The following PYY variants were observed in gnomAD, a reference collection of about 807,000 sequenced individuals.
PYY encodes peptide tyrosine tyrosine.
In PYY, 12 loss-of-function variants were observed where a neutral mutation model predicts 10.3. The ratio of observed to expected loss-of-function variants is 1.17; its 90% CI spans 0.75 to 1.89. The LOEUF (loss-of-function observed/expected upper bound fraction) is 1.89, where lower values mean the gene tolerates loss of function less well. Ranked by LOEUF, PYY falls within the 40% of genes most tolerant of loss-of-function variation. The pLI, the probability that PYY is intolerant of heterozygous loss-of-function variation, is 0.00. For missense variants in PYY, 141 were observed against 134.0 expected (o/e 1.05, Z -0.26); for synonymous variants, 66 against 62.0 (o/e 1.06, Z -0.30).
chr17:43,985,944 T>G (rs547618639), intron 1 of PYY, among the ~76,000 whole-genome samples: 9 of 152,220 alleles, frequency 5.9e-5, no homozygotes, highest in Non-Finnish European at 1.3e-4. Flanking sequence ...GGAAGAAAAG[T>G]CTGTAGAGGT....
At chr17:43,998,295 C>T (rs555178381) in intron 1 of PYY, among the ~76,000 whole-genome samples, 2 of 151,276 alleles carry the variant, frequency 1.3e-5, no homozygotes, top group Admixed American at 6.6e-5. Flanking sequence ...CAGTGGCTCA[C>T]ACTTGTAATC....
At position 43,987,190 on chromosome 17, in the gene PYY, C is replaced by A. The variant is rs2048921412; in HGVS notation, c.-463+17201G>T. ...ATCATCAGACTGGGCAGAGCTCTCC[C>A]CTCCCTTGCCCTTATTAATTGCACC... On this transcript the variant is annotated intron_variant, in intron 1 of 6. Transcript: ENST00000360085. The surrounding 1 kb of genome is among the most constrained non-coding windows in gnomAD (Gnocchi z 4.0). Among the ~76,000 whole-genome samples the A allele has an allele frequency of 6.6e-6, 1 of 152,158 alleles. No homozygotes were observed. The highest frequency in any genetic ancestry group is 1.9e-4 in the East Asian group (1 of 5,190).
intron 1 of PYY, among the ~76,000 whole-genome samples, chr17:43,999,504 G>A (rs1049693823): frequency 6.6e-6 from 1 of 151,940 alleles, no homozygotes; most frequent in Non-Finnish European, 1.5e-5. Flanking sequence ...AGCACTTTGG[G>A]AGGCTGAGGA....
intron 1 of PYY, among the ~76,000 whole-genome samples, chr17:43,972,482 C>T (rs1333548761): frequency 2.0e-5 from 3 of 151,846 alleles, no homozygotes; most frequent in African/African-American, 7.3e-5. Context: ...TCCCAAAGCA[C>T]TGGGATTACA....
At chr17:43,957,152 C>T (rs1045234814), upstream of PYY, among the ~76,000 whole-genome samples, 2 of 146,272 alleles carry the variant, frequency 1.4e-5, no homozygotes, top group Non-Finnish European at 1.5e-5. Context: ...GAGCCAAGAT[C>T]GCGCCACTGT....
At chr17:43,964,128 C>T (rs1376665008) in intron 2 of PYY, among the ~76,000 whole-genome samples, 2 of 152,188 alleles carry the variant, frequency 1.3e-5, no homozygotes, top group African/African-American at 4.8e-5. Flanking sequence ...CAATCAGCCT[C>T]CTGAGCAGCT....
intron 1 of PYY, 90 bp from the exon 2 acceptor site, chr17:43,953,573 G>A (rs2048650855): frequency 8.0e-7 from 1 of 1,252,180 alleles, no homozygotes; most frequent in Non-Finnish European, 1.1e-6. Context: ...GCGCTCCGAC[G>A]CTCTCCCTGG....
intron 1 of PYY, among the ~76,000 whole-genome samples, chr17:43,979,164 C>A (rs549529158): frequency 6.6e-6 from 1 of 152,300 alleles, no homozygotes; most frequent in African/African-American, 2.4e-5. Flanking sequence ...AGGGTGATTT[C>A]CAGATTGGCA....
chr17:43,974,399 G>T (rs2193640), intron 1 of PYY, among the ~76,000 whole-genome samples: 43 of 151,702 alleles, frequency 2.8e-4, no homozygotes, highest in African/African-American at 9.9e-4. Context: ...TTGGAGGGAG[G>T]TGTCCCATGG....
At chr17:43,984,982 A>G (rs1408051565) in intron 1 of PYY, among the ~76,000 whole-genome samples, 1 of 152,248 alleles carries the variant, frequency 6.6e-6, no homozygotes, top group Admixed American at 6.5e-5. Context: ...AGGCTCTTCT[A>G]AATATACAAA....
At chr17:43,975,765 TATATACACAC>T (rs2048825813) in intron 1 of PYY, among the ~76,000 whole-genome samples, 2 of 145,526 alleles carry the variant, frequency 1.4e-5, no homozygotes, top group African/African-American at 2.5e-5. Flanking sequence ...CACACATATA[TATATACACAC>T]ATATATACAC....
intron 1 of PYY, among the ~76,000 whole-genome samples, chr17:44,003,985 C>G (rs2049051036): frequency 6.6e-6 from 1 of 151,904 alleles, no homozygotes; most frequent in Admixed American, 6.6e-5. Context: ...AGAGTGAGAC[C>G]CTATCTCAAA....
intron 1 of PYY, among the ~76,000 whole-genome samples, chr17:43,971,522 A>T (rs553588854): frequency 4.6e-5 from 7 of 151,086 alleles, no homozygotes; most frequent in African/African-American, 1.7e-4. Context: ...GTGAGCCAAG[A>T]TCATGCCACC....
chr17:43,955,232 A>G (rs372104444), upstream of PYY, among the ~76,000 whole-genome samples: 2 of 152,260 alleles, frequency 1.3e-5, no homozygotes, highest in East Asian at 1.9e-4. Flanking sequence ...GTCTCCCCAT[A>G]AAGCCCTTCC....
intron 1 of PYY, among the ~76,000 whole-genome samples, chr17:43,968,945 T>C (rs750010175): frequency 6.6e-6 from 1 of 151,294 alleles, no homozygotes; most frequent in Admixed American, 6.6e-5. Flanking sequence ...CTGTCTCTAC[T>C]AAAAATATAA....
intron 1 of PYY, among the ~76,000 whole-genome samples, chr17:43,998,862 G>A (rs2049007146): frequency 6.6e-6 from 1 of 152,194 alleles, no homozygotes; most frequent in South Asian, 2.1e-4. Context: ...CCTGGAATGT[G>A]AGATGCCTAC....
chr17:43,971,308 A>G (rs1053157688), intron 1 of PYY, among the ~76,000 whole-genome samples: 2 of 152,034 alleles, frequency 1.3e-5, no homozygotes, highest in Admixed American at 1.3e-4. Flanking sequence ...GGTGGCTCAC[A>G]CCTGTAATCC....
chr17:43,994,138 G>A (rs1243681218), intron 1 of PYY, among the ~76,000 whole-genome samples: 2 of 151,140 alleles, frequency 1.3e-5, no homozygotes, highest in African/African-American at 4.9e-5. Context: ...ACAGGCATGG[G>A]CCACTACACC....
At chr17:44,002,213 C>A (rs1053840229) in intron 1 of PYY, among the ~76,000 whole-genome samples, 3 of 152,204 alleles carry the variant, frequency 2.0e-5, no homozygotes, top group Admixed American at 6.5e-5. Flanking sequence ...ACAGTGTGTC[C>A]GAGGGGTGGG....
Sources: allele counts gnomAD v4.1 joint callset (sites outside exome capture counted in the v4.1 genomes callset), GRCh38; gene constraint gnomAD v4.1.1; non-coding constraint Gnocchi (gnomAD v3.1); transcripts MANE v1.5; gene names NCBI Gene and HGNC (gene_info 2026-07-23, HGNC 2026-07-21).